TRIM61: variants seen among roughly 807,000 people sequenced by gnomAD.
TRIM61 encodes the protein putative tripartite motif-containing protein 61.
TRIM61 carries 1 observed loss-of-function variant against 14.2 expected under a neutral mutation model. The ratio of observed to expected loss-of-function variants is 0.07; its 90% CI spans 0.03 to 0.33. The LOEUF (loss-of-function observed/expected upper bound fraction) is 0.33. Ranked by LOEUF, TRIM61 falls within the 10% of genes least tolerant of loss-of-function variation. TRIM61 has a pLI of 0.99. For missense variants in TRIM61, 19 were observed against 202.2 expected (o/e 0.09, Z 5.49); for synonymous variants, 8 against 71.6 (o/e 0.11, Z 4.49).
rs1041193240 is a variant in TRIM61 at position 164,956,913 on chromosome 4, G to A, written c.526-1817C>T. 5 of 1,093,434 alleles carry A rather than the reference G, an allele frequency of 4.6e-6. No individual in the cohort carries two copies. In the African/African-American group the frequency reaches 6.3e-5, roughly 14 times the overall value. The allele number at this position is 1,093,434 out of a possible 1,614,324, so 67.7% of individuals were successfully genotyped here. A position where few individuals can be genotyped will look rare whatever the true frequency, so the allele number is the denominator to read the frequency against. On this transcript the variant is annotated intron_variant, in intron 3 of 4. Coordinates refer to ENST00000329314, the MANE Select transcript of TRIM61 (RefSeq NM_001012414.3). The stretch of plus-strand genomic sequence containing the variant: ...GTCCGTAGCGGAAGTCGGAGCGGCA[G>A]AGCAGTGATTGGGTGCGGCCGGCAC...
chr4:164,968,389 T>G (rs1732286901), intron 3 of TRIM61: 1 of 982,422 alleles, frequency 1.0e-6, no homozygotes, highest in Non-Finnish European at 1.2e-6. Context: ...CTGTAGAATT[T>G]CTAAAGTACC....
At chr4:164,970,929 A>G (rs1732350756) in intron 2 of TRIM61, among the ~76,000 whole-genome samples, 1 of 152,052 alleles carries the variant, frequency 6.6e-6, no homozygotes, top group African/African-American at 2.4e-5. Context: ...GTGATACCCT[A>G]TCTCTACTAA....
chr4:164,959,848 A>G (rs1313631319), intron 3 of TRIM61, among the ~76,000 whole-genome samples: 2 of 152,202 alleles, frequency 1.3e-5, no homozygotes, highest in Admixed American at 1.3e-4. Flanking sequence ...AGCAGAAGGG[A>G]AACAAGTTCA....
At chr4:164,966,036 T>C (rs530667465) in intron 3 of TRIM61, among the ~76,000 whole-genome samples, 1 of 152,284 alleles carries the variant, frequency 6.6e-6, no homozygotes, top group East Asian at 1.9e-4. Context: ...ATCCCCAAGA[T>C]ACCTGAGCCA....
intron 3 of TRIM61, among the ~76,000 whole-genome samples, chr4:164,959,654 C>T (rs937957239): frequency 7.2e-5 from 11 of 152,150 alleles, no homozygotes; most frequent in African/African-American, 2.7e-4. Context: ...CCCCAACTCC[C>T]AAAACCACAC....
chr4:164,968,109 G>A lies in TRIM61; in HGVS notation c.525+1369C>T, dbSNP rs1023105786. 7.4e-6 allele frequency: 7 copies of A among 941,208 alleles called. No individual in the cohort carries two copies. In the East Asian group the frequency reaches 5.8e-4, roughly 78 times the overall value. 58.3% of individuals were successfully genotyped at this position (941,208 alleles called of 1,614,324 possible). A position where few individuals can be genotyped will look rare whatever the true frequency, so the allele number is the denominator to read the frequency against. On this transcript the variant is annotated intron_variant, in intron 3 of 4. Transcript: ENST00000329314. ...GGAGGTTGCAGTGAGCCGAGATCCT[G>A]GCCATTGCACTCCAGCCTGGGCAAC...
At chr4:164,960,426 G>T (rs140268057) in intron 3 of TRIM61, among the ~76,000 whole-genome samples, 1 of 151,892 alleles carries the variant, frequency 6.6e-6, no homozygotes, top group Admixed American at 6.6e-5. Flanking sequence ...ATGGTGGCAG[G>T]CTCCTGTAAT....
intron 3 of TRIM61, chr4:164,957,393 T>G (rs369654709): frequency 2.5e-6 from 4 of 1,613,524 alleles, no homozygotes; most frequent in African/African-American, 2.7e-5. Flanking sequence ...CCAGGAAAAG[T>G]CAGGAAGAGA....
Position 164,969,654 on chromosome 4 carries a change from G to T in TRIM61, c.349C>A (p.Pro117Thr). The T allele has an allele frequency of 6.6e-7, 1 of 1,519,194 alleles. No homozygotes were observed. Among genetic ancestry groups the T allele is most frequent in the Non-Finnish European group, 9.1e-7 (1 of 1,100,994 alleles). The allele number at this position is 1,519,194 out of a possible 1,614,324, so 94.1% of individuals were successfully genotyped here. A position where few individuals can be genotyped will look rare whatever the true frequency, so the allele number is the denominator to read the frequency against. Residue 117 changes from proline to threonine, a missense_variant, in exon 3 of 5, where the codon CCA (proline) becomes ACA (threonine). Transcript: ENST00000329314. ...TGATCAGTGGACAAACTGCACCTTGGACATAAAAGCTCTAGGTCTTTCTGA... is the reference window on the plus strand; with the variant it reads ...TGATCAGTGGACAAACTGCACCTTGTACATAAAAGCTCTAGGTCTTTCTGA...
intron 2 of TRIM61, among the ~76,000 whole-genome samples, chr4:164,976,075 AG>A (rs1732475055): frequency 6.6e-6 from 1 of 152,158 alleles, no homozygotes; most frequent in Non-Finnish European, 1.5e-5. Context: ...GTCCAGTCAT[AG>A]TACTTTCCCT....
At chr4:164,974,699 G>A (rs1732444076) in intron 2 of TRIM61, among the ~76,000 whole-genome samples, 1 of 151,984 alleles carries the variant, frequency 6.6e-6, no homozygotes, top group Admixed American at 6.6e-5. Flanking sequence ...GAGCAACATG[G>A]CAAAATCCCA....
Position 164,961,139 on chromosome 4 carries a change from TAAG to T in TRIM61, c.526-6046_526-6044del, listed in dbSNP as rs1267745287. Among the ~76,000 whole-genome samples the T allele has an allele frequency of 6.0e-4, 13 of 21,732 alleles. No homozygotes were observed. In the East Asian group the frequency reaches 0.011, roughly 19 times the overall value. The allele number at this position is 21,732 out of a possible 152,430, so 14.3% of individuals were successfully genotyped here. ...AACCAGACTAAGCTATGACAGAAAATAAGAACTCTCAGGCAAAAAAAAAAAAAA... is the reference window on the plus strand; with the variant it reads ...AACCAGACTAAGCTATGACAGAAAATAACTCTCAGGCAAAAAAAAAAAAAA... On this transcript the variant is annotated intron_variant, in intron 3 of 4. Coordinates refer to ENST00000329314, the MANE Select transcript of TRIM61 (RefSeq NM_001012414.3).
At chr4:164,955,123 T>C (rs940973973) in intron 3 of TRIM61, 1 of 201,160 alleles carries the variant, frequency 5.0e-6, no homozygotes, top group African/African-American at 2.4e-5. Flanking sequence ...AAAAAAATTA[T>C]TATGGTATTA....
chr4:164,957,227 G>T, intron 3 of TRIM61: 2 of 1,614,054 alleles, frequency 1.2e-6, no homozygotes, highest in African/African-American at 2.7e-5. Flanking sequence ...GACCACATTC[G>T]TCCAACAGCG....
At chr4:164,963,076 A>G (rs1374213312) in intron 3 of TRIM61, among the ~76,000 whole-genome samples, 1 of 152,236 alleles carries the variant, frequency 6.6e-6, no homozygotes. Flanking sequence ...TAATCATAAA[A>G]CATGCTTAAC....
rs70952674 is a variant in TRIM61, at chr4:164,965,446, C to CTTTT, written c.525+4028_525+4031dup. On this transcript the variant is annotated intron_variant, in intron 3 of 4. Coordinates refer to ENST00000329314, the MANE Select transcript of TRIM61 (RefSeq NM_001012414.3). ...TCATGCTTATAGAATTCTGCCTATG[C>CTTTT]TTTTTTTTTTTTTTTTTTGAGATGA... 1.8e-3 allele frequency among the ~76,000 whole-genome samples: 225 copies of CTTTT among 126,264 alleles called. 14 individuals are homozygous for CTTTT. The South Asian group carries it at 0.032, about 18-fold the overall frequency. The allele number at this position is 126,264 out of a possible 152,430, so 82.8% of individuals were successfully genotyped here.
At chr4:164,974,041 A>G (rs1448670383) in intron 2 of TRIM61, among the ~76,000 whole-genome samples, 1 of 152,208 alleles carries the variant, frequency 6.6e-6, no homozygotes, top group Non-Finnish European at 1.5e-5. Context: ...GTGGTGGCGC[A>G]TGCCAGTAAT....
intron 2 of TRIM61, among the ~76,000 whole-genome samples, chr4:164,973,509 G>A (rs1030226144): frequency 2.6e-5 from 4 of 152,166 alleles, no homozygotes; most frequent in Non-Finnish European, 4.4e-5. Context: ...CTACAATGGA[G>A]AAAAGAGATA....
rs374518798 is a variant in TRIM61, at chr4:164,962,130, A to G, written c.526-7034T>C. ...TGAAACACTGTTTTGCAGTGCATGA[A>G]GGAGGATAAGAAGGAGGATAAGGAA... On this transcript the variant is annotated intron_variant, in intron 3 of 4. Coordinates refer to ENST00000329314, the MANE Select transcript of TRIM61 (RefSeq NM_001012414.3). 2.0e-5 allele frequency among the ~76,000 whole-genome samples: 3 copies of G among 152,116 alleles called. No homozygotes were observed. In the East Asian group the frequency reaches 5.8e-4, roughly 29 times the overall value.
Sources: gnomAD v4.1 joint callset for allele counts (sites outside exome capture counted in the v4.1 genomes callset) on GRCh38, gnomAD v4.1.1 for gene constraint, MANE v1.5 for transcripts, NCBI Gene and HGNC (gene_info 2026-07-23, HGNC 2026-07-21) for gene names.